The following LOC728743 variants were observed in gnomAD, a reference collection of about 807,000 sequenced individuals.
At chr7:150,404,562 G>A in the LOC728743 span, 1 of 152,234 alleles carries the variant, frequency 6.6e-6, no homozygotes, top group East Asian at 1.9e-4. Context: ...ACATGGAAAA[G>A]GGCTTTGTAA....
the LOC728743 span, among the ~76,000 whole-genome samples, chr7:150,409,153 C>G: frequency 7.3e-6 from 1 of 137,044 alleles, no homozygotes; most frequent in African/African-American, 2.7e-5. Flanking sequence ...GAGGGGGGGT[C>G]CTGATAGTTC....
chr7:150,403,349 G>T, the LOC728743 span, among the ~76,000 whole-genome samples: 1 of 152,192 alleles, frequency 6.6e-6, no homozygotes, highest in Non-Finnish European at 1.5e-5. The surrounding 1 kb of genome is among the most constrained non-coding windows in gnomAD (Gnocchi z 5.1). Flanking sequence ...CCGTGTCTGT[G>T]TCCACCCCCA....
At chr7:150,404,310 C>T in the LOC728743 span, among the ~76,000 whole-genome samples, 18 of 152,218 alleles carry the variant, frequency 1.2e-4, no homozygotes, top group Non-Finnish European at 1.8e-4. Flanking sequence ...GTTTTTACTT[C>T]CCTGTCGTCA....
the LOC728743 span, among the ~76,000 whole-genome samples, chr7:150,402,539 T>G: frequency 6.6e-6 from 1 of 152,256 alleles, no homozygotes; most frequent in African/African-American, 2.4e-5. Context: ...TATTGTATGC[T>G]GGACACGTGG....
chr7:150,408,055 C>G, the LOC728743 span: 1 of 389,190 alleles, frequency 2.6e-6, no homozygotes, highest in African/African-American at 2.1e-5. Flanking sequence ...CCCACGCGCG[C>G]ATGCCCGCGC....
At chr7:150,403,924 G>A in the LOC728743 span, among the ~76,000 whole-genome samples, 2 of 152,222 alleles carry the variant, frequency 1.3e-5, no homozygotes, top group Non-Finnish European at 2.9e-5. This position sits in a 1 kb window ranked among gnomAD's most constrained non-coding sequence, Gnocchi z 5.1. Flanking sequence ...GGTGTTGGGA[G>A]GAAGGGGCTG....
At chr7:150,407,842 C>A in the LOC728743 span, 1 of 420,964 alleles carries the variant, frequency 2.4e-6, no homozygotes, top group Non-Finnish European at 4.2e-6. Context: ...GCAAGGCCTT[C>A]AGCGTCAAGC....
At chr7:150,401,803 G>A in the LOC728743 span, among the ~76,000 whole-genome samples, 3 of 152,180 alleles carry the variant, frequency 2.0e-5, no homozygotes, top group East Asian at 1.9e-4. Context: ...TGGCTTGTAC[G>A]GCTGAGGAAC....
the LOC728743 span, among the ~76,000 whole-genome samples, chr7:150,409,360 C>G: frequency 1.3e-5 from 2 of 152,104 alleles, no homozygotes; most frequent in Non-Finnish European, 2.9e-5. Flanking sequence ...GTCATCTGGG[C>G]AAGAGAACAT....
chr7:150,408,483 G>A, the LOC728743 span: 1 of 308,124 alleles, frequency 3.2e-6, no homozygotes, highest in African/African-American at 2.2e-5. Context: ...ATCCGGCCTA[G>A]AGCAGGTGAG....
At chr7:150,407,979 C>T in the LOC728743 span, 1 of 402,120 alleles carries the variant, frequency 2.5e-6, no homozygotes, top group South Asian at 1.2e-4. Flanking sequence ...GGCGAGAAGC[C>T]GCACCAGTGC....
chr7:150,409,254 G>A, the LOC728743 span, among the ~76,000 whole-genome samples: 1 of 151,994 alleles, frequency 6.6e-6, no homozygotes, highest in Non-Finnish European at 1.5e-5. Context: ...TTAATGAGAT[G>A]AGTGCTATGA....
chr7:150,402,803 G>A, the LOC728743 span, among the ~76,000 whole-genome samples: 1 of 152,192 alleles, frequency 6.6e-6, no homozygotes, highest in African/African-American at 2.4e-5. Flanking sequence ...AGGGTCTGGA[G>A]CTGCCCCGAG....
At chr7:150,403,199 A>C in the LOC728743 span, among the ~76,000 whole-genome samples, 1 of 151,804 alleles carries the variant, frequency 6.6e-6, no homozygotes, top group Non-Finnish European at 1.5e-5. The surrounding 1 kb of genome is among the most constrained non-coding windows in gnomAD (Gnocchi z 5.1). Context: ...GAGACAGGGG[A>C]GGTGGGTGTA....
At chr7:150,403,156 C>T in the LOC728743 span, among the ~76,000 whole-genome samples, 1 of 152,036 alleles carries the variant, frequency 6.6e-6, no homozygotes, top group South Asian at 2.1e-4. This position sits in a 1 kb window ranked among gnomAD's most constrained non-coding sequence, Gnocchi z 5.1. Context: ...CTTGCCGCAG[C>T]ACCTAAGAAT....
At chr7:150,408,634 A>C in the LOC728743 span, 2 of 163,824 alleles carry the variant, frequency 1.2e-5, no homozygotes, top group Non-Finnish European at 2.6e-5. Context: ...CCGGATCTTC[A>C]TCCCCAGAAT....
chr7:150,404,506 C>G, the LOC728743 span: 1 of 152,184 alleles, frequency 6.6e-6, no homozygotes, highest in Non-Finnish European at 1.5e-5. Flanking sequence ...AAAACCCACA[C>G]AAGGTAGGGT....
the LOC728743 span, among the ~76,000 whole-genome samples, chr7:150,401,254 C>T: frequency 9.9e-5 from 15 of 152,152 alleles, no homozygotes; most frequent in African/African-American, 3.1e-4. Context: ...GCAAGGGACA[C>T]GAGCTTCAAG....
the LOC728743 span, chr7:150,407,638 C>T: frequency 2.8e-4 from 113 of 398,982 alleles, no homozygotes; most frequent in Non-Finnish European, 4.8e-4. Context: ...CCTCCGGGGG[C>T]GGGTCCCCTG....
Sources: gnomAD v4.1 joint callset for allele counts (sites outside exome capture counted in the v4.1 genomes callset) on GRCh38, gnomAD v4.1.1 for gene constraint, Gnocchi (gnomAD v3.1) non-coding constraint, MANE v1.5 for transcripts.